The following VAPA variants were observed in gnomAD, a reference collection of about 807,000 sequenced individuals.
VAPA encodes the protein vesicle-associated membrane protein-associated protein A.
Under a neutral mutation model 25.6 loss-of-function variants are expected in VAPA, and 6 were observed. The observed-to-expected ratio is 0.23, with a 90% CI of 0.13 to 0.46. VAPA has a LOEUF of 0.46. VAPA is among the 20% of genes least tolerant of loss of function. The pLI, the probability that VAPA is intolerant of heterozygous loss-of-function variation, is 0.99. For synonymous variants in VAPA, 112 were observed against 106.2 expected (o/e 1.05, Z -0.34); for missense variants, 244 against 302.1 (o/e 0.81, Z 1.43).
chr18:9,935,237 A>G (rs553256087), intron 2 of VAPA, among the ~76,000 whole-genome samples: 31 of 152,252 alleles, frequency 2.0e-4, no homozygotes, highest in African/African-American at 4.8e-4. Context: ...TCTGAAATAG[A>G]TGTTTATTTA....
intron 4 of VAPA, among the ~76,000 whole-genome samples, chr18:9,945,885 A>G (rs1357158805): frequency 6.6e-6 from 1 of 152,084 alleles, no homozygotes; most frequent in East Asian, 1.9e-4. Context: ...CTGTCTCTTA[A>G]TTCATAGGTT....
At position 9,950,486 on chromosome 18, in the gene VAPA, C is replaced by G. The variant is rs1160955823; in HGVS notation, c.509C>G (p.Thr170Ser). The G allele has an allele frequency of 6.2e-7, 1 of 1,613,818 alleles. No homozygotes were observed. Among genetic ancestry groups the G allele is most frequent in the Non-Finnish European group, 8.5e-7 (1 of 1,179,998 alleles). Residue 170 changes from threonine to serine, a missense_variant, in exon 5 of 6, where the codon ACC becomes AGC. Physicochemically the swap from Thr to Ser is moderately conservative, Grantham distance 58. This residue lies in a region of VAPA where 145 missense variants were observed against 140.6 expected (regional missense o/e 1.03). Coordinates refer to ENST00000400000, the MANE Select transcript of VAPA (RefSeq NM_194434.3). The stretch of plus-strand genomic sequence containing the variant: ...CCACACAGTGTTTCACTTAATGATA[C>G]CGAAACAAGGAAACTAATGGAAGAG... ...PKPHSVSLND[T>S]ETRKLMEECK...
At chr18:9,929,690 T>C (rs928159148) in intron 1 of VAPA, among the ~76,000 whole-genome samples, 6 of 152,158 alleles carry the variant, frequency 3.9e-5, no homozygotes, top group African/African-American at 1.4e-4. Context: ...CATCAGTACT[T>C]GATAATTTTC....
chr18:9,955,495 C>G lies in VAPA; in HGVS notation c.*1284C>G, dbSNP rs2069538970. ...AAAATTTTGGAATCAGAAAATAGAT[C>G]CAGTGTTTAGCTACATACAATCTAG... On this transcript the variant is annotated 3_prime_UTR_variant, in exon 6 of 6. Transcript: ENST00000400000. 6.6e-6 allele frequency: 1 copy of G among 152,082 alleles called. No individual in the cohort carries two copies. The highest frequency in any genetic ancestry group is 2.4e-5 in the African/African-American group (1 of 41,414). 9.4% of individuals were successfully genotyped at this position (152,082 alleles called of 1,614,324 possible). A position where few individuals can be genotyped will look rare whatever the true frequency, so the allele number is the denominator to read the frequency against.
chr18:9,933,943 G>A (rs903317685), intron 2 of VAPA, among the ~76,000 whole-genome samples: 1 of 152,202 alleles, frequency 6.6e-6, no homozygotes, highest in Non-Finnish European at 1.5e-5. Context: ...TTTTCTTTGA[G>A]GGGCCTAGAT....
intron 1 of VAPA, among the ~76,000 whole-genome samples, chr18:9,922,372 A>G (rs1287033195): frequency 6.6e-6 from 1 of 152,194 alleles, no homozygotes. Flanking sequence ...TTCTTTGCAT[A>G]ATCATGATAC....
chr18:9,954,929 T>TA lies in VAPA; in HGVS notation c.*719dup, dbSNP rs914234446. 27 of 152,482 alleles carry TA rather than the reference T, an allele frequency of 1.8e-4. No individual in the cohort carries two copies. Among genetic ancestry groups the TA allele is most frequent in the Non-Finnish European group, 2.9e-5 (2 of 68,016 alleles). The allele number at this position is 152,482 out of a possible 1,614,324, so 9.4% of individuals were successfully genotyped here. A position where few individuals can be genotyped will look rare whatever the true frequency, so the allele number is the denominator to read the frequency against. On this transcript the variant is annotated 3_prime_UTR_variant, in exon 6 of 6. Coordinates refer to ENST00000400000, the MANE Select transcript of VAPA (RefSeq NM_194434.3). ...CTTGCATTGAAACCCTCTTGGATATTACAGTATTTTTAATTGAAAGTCCTA... is the reference window on the plus strand; with the variant it reads ...CTTGCATTGAAACCCTCTTGGATATTAACAGTATTTTTAATTGAAAGTCCTA...
chr18:9,923,241 G>A (rs1288853680), intron 1 of VAPA, among the ~76,000 whole-genome samples: 3 of 151,856 alleles, frequency 2.0e-5, no homozygotes, highest in Non-Finnish European at 2.9e-5. Context: ...GTTTAGTTAC[G>A]TATCTTTTAG....
intron 1 of VAPA, among the ~76,000 whole-genome samples, chr18:9,927,631 G>A (rs778988888): frequency 1.3e-5 from 2 of 152,034 alleles, no homozygotes; most frequent in Non-Finnish European, 2.9e-5. Flanking sequence ...ATTTCCTGCT[G>A]GAAAAATGTT....
At chr18:9,940,572 T>A (rs866589473) in intron 4 of VAPA, among the ~76,000 whole-genome samples, 2 of 152,196 alleles carry the variant, frequency 1.3e-5, no homozygotes, top group Non-Finnish European at 2.9e-5. Flanking sequence ...TGGATCCTTT[T>A]ATTTCTTGGG....
chr18:9,923,436 G>A (rs2069173814), intron 1 of VAPA, among the ~76,000 whole-genome samples: 1 of 151,654 alleles, frequency 6.6e-6, no homozygotes, highest in African/African-American at 2.4e-5. Context: ...ACTTTTAAAC[G>A]TATGTTTATA....
Position 9,958,147 on chromosome 18 carries a change from T to G in VAPA, c.*3936T>G, listed in dbSNP as rs2069569491. ...CATTCATTTCCCTGTAATATTAATG[T>G]TCTTTAAGCATAATCACTAATTATA... On this transcript the variant is annotated 3_prime_UTR_variant, in exon 6 of 6. Coordinates refer to ENST00000400000, the MANE Select transcript of VAPA (RefSeq NM_194434.3). 6.6e-6 allele frequency: 1 copy of G among 152,208 alleles called. No homozygotes were observed. Among genetic ancestry groups the G allele is most frequent in the Non-Finnish European group, 1.5e-5 (1 of 68,044 alleles). 9.4% of individuals were successfully genotyped at this position (152,208 alleles called of 1,614,324 possible). A position where few individuals can be genotyped will look rare whatever the true frequency, so the allele number is the denominator to read the frequency against.
At chr18:9,932,016 T>A (rs1371186307) in intron 2 of VAPA, 54 bp downstream of exon 2, 3 of 1,348,000 alleles carry the variant, frequency 2.2e-6, no homozygotes, top group Non-Finnish European at 3.1e-6. Context: ...CTTTTATGAT[T>A]ATGTTTTTGT....
chr18:9,936,044 C>T, intron 2 of VAPA, 66 bp from the exon 3 acceptor site: 2 of 1,134,626 alleles, frequency 1.8e-6, no homozygotes, highest in Non-Finnish European at 2.5e-6. Context: ...TAATCTGTAA[C>T]TGTTTCAATG....
intron 4 of VAPA, 69 bp from the exon 5 acceptor site, chr18:9,950,326 T>C (rs768143403): frequency 3.6e-5 from 55 of 1,513,588 alleles, no homozygotes; most frequent in Non-Finnish European, 4.8e-5. Flanking sequence ...AGAATTTATA[T>C]TGTTATTTGT....
chr18:9,930,611 G>A lies in VAPA; in HGVS notation c.80-1199G>A, dbSNP rs986559625. ...TGGGGTTGAAGAAGCAGCAAGGGTT[G>A]TATGTTGTAAATGGAATGATTAGTT... On this transcript the variant is annotated intron_variant, in intron 1 of 5. Coordinates refer to ENST00000400000, the MANE Select transcript of VAPA (RefSeq NM_194434.3). Among the ~76,000 whole-genome samples, 3 of 151,890 alleles carry A rather than the reference G, an allele frequency of 2.0e-5. No individual in the cohort carries two copies. In the South Asian group the frequency reaches 6.2e-4, roughly 31 times the overall value.
chr18:9,936,932 T>TA, intron 3 of VAPA, 54 bp from the exon 4 acceptor site: 4 of 1,536,102 alleles, frequency 2.6e-6, no homozygotes, highest in South Asian at 1.1e-5. Context: ...AGGTGAAACT[T>TA]ACTTACCATG....
intron 4 of VAPA, among the ~76,000 whole-genome samples, chr18:9,941,808 C>T (rs2069368810): frequency 6.6e-6 from 1 of 152,172 alleles, no homozygotes. Flanking sequence ...TCCTGACTTA[C>T]ACAGTTGCTG....
chr18:9,946,825 G>A (rs75438679), intron 4 of VAPA, among the ~76,000 whole-genome samples: 9,121 of 152,064 alleles, frequency 0.06, 417 homozygotes, highest in African/African-American at 0.12. Flanking sequence ...TTAGCTGTCC[G>A]TAACTTCATA....
Sources: gnomAD v4.1 joint callset for allele counts (sites outside exome capture counted in the v4.1 genomes callset) on GRCh38, gnomAD v4.1.1 for gene constraint, gnomAD v4.1.1 regional missense constraint, MANE v1.5 for transcripts, NCBI Gene and HGNC (gene_info 2026-07-23, HGNC 2026-07-21) for gene names.